The following KBTBD3 variants were observed in gnomAD, a reference collection of about 807,000 sequenced individuals.
The protein encoded by KBTBD3 is kelch repeat and BTB domain-containing protein 3.
Under a neutral mutation model 49.6 loss-of-function variants are expected in KBTBD3, and 38 were observed. That is an observed-to-expected ratio of 0.77 (90% CI 0.59 to 1.00). The LOEUF is 1.00. Ranked by LOEUF, KBTBD3 falls within the 50% of genes least tolerant of loss-of-function variation. The probability of loss-of-function intolerance (pLI) is 0.00; values close to 1 mark genes in which losing one functional copy is unlikely to be tolerated. For synonymous variants in KBTBD3, 214 were observed against 250.4 expected, an observed-to-expected ratio of 0.85 and a Z score of 1.37; for missense variants, 661 against 712.0, an observed-to-expected ratio of 0.93 and a Z score of 0.81.
chr11:106,053,644 C>T lies in KBTBD3; in HGVS notation c.1045G>A (p.Gly349Ser). 1 of 1,613,844 alleles carries T rather than the reference C, an allele frequency of 6.2e-7. No individual in the cohort carries two copies. Among genetic ancestry groups the T allele is most frequent in the Non-Finnish European group, 8.5e-7 (1 of 1,179,894 alleles). The change falls in exon 4 of 4, where the codon GGT (glycine) becomes AGT (serine). Residue 349 changes from glycine to serine, a missense_variant. Transcript: ENST00000531837. ...SYGEKIFLTG[G>S]CKGKCCRTVR... ...GTTCGACAACATTTCCCTTTGCAAC[C>T]ACCTGTCAAGAATATTTTCTCTCCG...
rs775575469 is a variant in KBTBD3 at position 106,053,646 on chromosome 11, C to A, written c.1043G>T (p.Gly348Val). The A allele has an allele frequency of 1.2e-6, 2 of 1,613,852 alleles. No individual in the cohort carries two copies. Among genetic ancestry groups the A allele is most frequent in the Non-Finnish European group, 1.7e-6 (2 of 1,179,902 alleles). The change falls in exon 4 of 4, where the codon GGT (glycine) becomes GTT (valine). Residue 348 changes from glycine to valine, a missense_variant. Coordinates refer to ENST00000531837, the MANE Select transcript of KBTBD3 (RefSeq NM_198439.3). ...SSYGEKIFLT[G>V]GCKGKCCRTV... Reference sequence around the variant, plus strand: ...TCGACAACATTTCCCTTTGCAACCACCTGTCAAGAATATTTTCTCTCCGTA... The same window carrying A: ...TCGACAACATTTCCCTTTGCAACCAACTGTCAAGAATATTTTCTCTCCGTA...
At chr11:106,060,211 G>T (rs1860658865) in intron 2 of KBTBD3, among the ~76,000 whole-genome samples, 1 of 150,950 alleles carries the variant, frequency 6.6e-6, no homozygotes, top group African/African-American at 2.4e-5. Flanking sequence ...GAAAAAATTT[G>T]ATATAACTAT....
chr11:106,076,257 AT>A (rs1461748546), intron 2 of KBTBD3: 6 of 152,282 alleles, frequency 3.9e-5, no homozygotes, highest in African/African-American at 1.4e-4. Context: ...TGGTAAGCAG[AT>A]TTTCAACATG....
intron 2 of KBTBD3, among the ~76,000 whole-genome samples, chr11:106,063,603 A>G (rs1860747320): frequency 6.6e-6 from 1 of 152,190 alleles, no homozygotes; most frequent in African/African-American, 2.4e-5. Context: ...CAGATAAACT[A>G]TATCTATCTA....
At position 106,074,653 on chromosome 11, in the gene KBTBD3, A is replaced by G. The variant is rs145166853; in HGVS notation, c.-13+1854T>C. The stretch of plus-strand genomic sequence containing the variant: ...TCTGAAAGCAAGTTGTGCTTATGGC[A>G]TAGAAGACATTGGAAGAGAGTGCTC... On this transcript the variant is annotated intron_variant, in intron 2 of 3. Transcript: ENST00000531837. Among the ~76,000 whole-genome samples, 1,151 of 152,350 alleles carry G rather than the reference A, an allele frequency of 7.6e-3. 20 individuals carry two copies. The highest frequency in any genetic ancestry group is 0.026 in the African/African-American group (1,086 of 41,582).
At chr11:106,069,243 C>T (rs553353736) in intron 2 of KBTBD3, among the ~76,000 whole-genome samples, 5 of 152,068 alleles carry the variant, frequency 3.3e-5, no homozygotes, top group African/African-American at 1.2e-4. Flanking sequence ...CTCTAGCAAG[C>T]ACACTAAAAC....
At position 106,076,409 on chromosome 11, in the gene KBTBD3, T is replaced by C. The variant is rs1861030287; in HGVS notation, c.-13+98A>G. On this transcript the variant is annotated intron_variant, in intron 2 of 3. Transcript: ENST00000531837. ...CGAGGGATTCGGGGGGCTTATGATATCACGAAAAGTTAATGAAGACAAGTA... is the reference window on the plus strand; with the variant it reads ...CGAGGGATTCGGGGGGCTTATGATACCACGAAAAGTTAATGAAGACAAGTA... 4 of 152,178 alleles carry C rather than the reference T, an allele frequency of 2.6e-5. 1 individual carries two copies. The highest frequency in any genetic ancestry group is 2.6e-4 in the Admixed American group (4 of 15,272). The allele number at this position is 152,178 out of a possible 1,614,324, so 9.4% of individuals were successfully genotyped here. A position where few individuals can be genotyped will look rare whatever the true frequency, so the allele number is the denominator to read the frequency against.
chr11:106,074,195 A>G (rs927450102), intron 2 of KBTBD3, among the ~76,000 whole-genome samples: 1 of 151,588 alleles, frequency 6.6e-6, no homozygotes, highest in Non-Finnish European at 1.5e-5. Flanking sequence ...TAGCATGCAA[A>G]TTCTAGTATC....
chr11:106,061,880 T>C (rs1234616740), intron 2 of KBTBD3, among the ~76,000 whole-genome samples: 1 of 151,816 alleles, frequency 6.6e-6, no homozygotes, highest in Non-Finnish European at 1.5e-5. Flanking sequence ...TGTGTGTATA[T>C]ATATATCCCT....
intron 2 of KBTBD3, among the ~76,000 whole-genome samples, chr11:106,067,139 C>G (rs1172458174): frequency 6.6e-6 from 1 of 152,088 alleles, no homozygotes; most frequent in Non-Finnish European, 1.5e-5. Flanking sequence ...AAGGAAATAA[C>G]CACTCCACCA....
chr11:106,068,912 A>G (rs180811529), intron 2 of KBTBD3, among the ~76,000 whole-genome samples: 9 of 152,328 alleles, frequency 5.9e-5, no homozygotes, highest in Non-Finnish European at 1.0e-4. Flanking sequence ...AATACCGATT[A>G]GTGTAATTTA....
Position 106,058,909 on chromosome 11 carries a change from G to T in KBTBD3, c.189C>A (p.Ile63=). The change falls in exon 3 of 4, where the codon ATC becomes ATA. Residue 63 remains isoleucine (I), a synonymous_variant. Transcript: ENST00000531837. ...CTGCTAACACACAACGATGACACGGGATTATTTCATCTTTCATAATTATTT... is the reference window on the plus strand; with the variant it reads ...CTGCTAACACACAACGATGACACGGTATTATTTCATCTTTCATAATTATTT... The part of the protein sequence containing the change: ...DFKIIMKDEI[I]PCHRCVLAAC... 6.3e-7 allele frequency: 1 copy of T among 1,579,152 alleles called. No individual in the cohort carries two copies. The highest frequency in any genetic ancestry group is 1.4e-5 in the African/African-American group (1 of 72,422).
At chr11:106,069,776 A>T (rs1370005344) in intron 2 of KBTBD3, among the ~76,000 whole-genome samples, 1 of 152,048 alleles carries the variant, frequency 6.6e-6, no homozygotes, top group Non-Finnish European at 1.5e-5. Context: ...TAAAATTTAT[A>T]TGTAATGATA....
At chr11:106,070,336 AT>A (rs77302531) in intron 2 of KBTBD3, among the ~76,000 whole-genome samples, 4,241 of 152,164 alleles carry the variant, frequency 0.028, 124 homozygotes, top group Admixed American at 0.086. Flanking sequence ...CAGGAAAAAA[AT>A]ATTTGCAAAC....
rs1317804618 is a variant in KBTBD3 at position 106,053,918 on chromosome 11, A to G, written c.771T>C (p.Asn257=). The change falls in exon 4 of 4, where the codon AAT becomes AAC. Residue 257 remains asparagine, a synonymous_variant. Transcript: ENST00000531837. The stretch of plus-strand genomic sequence containing the variant: ...TTGTGCTTTTGAGTAAACTCTCTTC[A>G]TTGAACAGACAGTCCTGAAGTGTCT... ...SEETLQDCLF[N]EESLLKSTNC... is the part of the protein sequence containing the mutation. 6.2e-7 allele frequency: 1 copy of G among 1,613,884 alleles called. No homozygotes were observed. The highest frequency in any genetic ancestry group is 1.3e-5 in the African/African-American group (1 of 74,932).
chr11:106,074,949 G>C (rs576350283), intron 2 of KBTBD3, among the ~76,000 whole-genome samples: 65 of 152,274 alleles, frequency 4.3e-4, no homozygotes, highest in African/African-American at 1.4e-3. Context: ...AATAAAGTTT[G>C]TGACCCAATA....
intron 3 of KBTBD3, 31 bp from the exon 4 acceptor site, chr11:106,054,486 A>G: frequency 6.9e-7 from 1 of 1,447,504 alleles, no homozygotes; most frequent in Non-Finnish European, 9.1e-7. Context: ...GAAAAACAGC[A>G]AGAATATTTT....
At chr11:106,055,872 C>T (rs564687281) in intron 3 of KBTBD3, among the ~76,000 whole-genome samples, 5 of 152,212 alleles carry the variant, frequency 3.3e-5, no homozygotes, top group East Asian at 1.9e-4. Flanking sequence ...AATTTACTAT[C>T]GGCTTCCACA....
At chr11:106,073,104 G>GT (rs933420389) in intron 2 of KBTBD3, among the ~76,000 whole-genome samples, 6 of 151,760 alleles carry the variant, frequency 4.0e-5, no homozygotes, top group African/African-American at 9.7e-5. Context: ...TTTTTTGTTT[G>GT]TTTTTTTGAG....
Sources: gnomAD v4.1 joint callset for allele counts (sites outside exome capture counted in the v4.1 genomes callset) on GRCh38, gnomAD v4.1.1 for gene constraint, MANE v1.5 for transcripts, NCBI Gene and HGNC (gene_info 2026-07-23, HGNC 2026-07-21) for gene names.